The following FCHSD2 variants were observed in gnomAD, a reference collection of about 807,000 sequenced individuals.
FCHSD2 encodes the protein FCH and double SH3 domains 2, also known as F-BAR and double SH3 domains protein 2.
A neutral mutation model predicts 108.1 loss-of-function variants in FCHSD2; 38 were observed. The ratio of observed to expected loss-of-function variants is 0.35; its 90% CI spans 0.27 to 0.46. FCHSD2 has a LOEUF of 0.46. FCHSD2 is among the 20% of genes least tolerant of loss of function. The pLI, the probability that FCHSD2 is intolerant of heterozygous loss-of-function variation, is 1.00. For missense variants in FCHSD2, 751 were observed against 897.8 expected (o/e 0.84, Z 2.09); for synonymous variants, 279 against 314.7 (o/e 0.89, Z 1.20).
intron 13 of FCHSD2, among the ~76,000 whole-genome samples, chr11:72,865,763 ATCTCAGAGTCTTTT>A (rs1217163797): frequency 6.6e-6 from 1 of 152,138 alleles, no homozygotes; most frequent in Non-Finnish European, 1.5e-5. Flanking sequence ...GGGAGTGGGA[ATCTCAGAGTCTTTT>A]AATCTTTCTT....
At chr11:73,108,617 G>C (rs1234400662) in intron 2 of FCHSD2, among the ~76,000 whole-genome samples, 1 of 152,054 alleles carries the variant, frequency 6.6e-6, no homozygotes, top group Non-Finnish European at 1.5e-5. Context: ...GCCGGACTGC[G>C]GACTGCAGTG....
chr11:72,932,204 C>G (rs908788917), intron 8 of FCHSD2, among the ~76,000 whole-genome samples: 1 of 152,186 alleles, frequency 6.6e-6, no homozygotes, highest in South Asian at 2.1e-4. Flanking sequence ...CCCAACCCCT[C>G]CTCCTGATCT....
intron 5 of FCHSD2, among the ~76,000 whole-genome samples, chr11:72,992,724 G>A (rs1208841011): frequency 6.6e-6 from 1 of 152,138 alleles, no homozygotes; most frequent in African/African-American, 2.4e-5. Flanking sequence ...GCTGAAACTG[G>A]ATCCCTTCCT....
intron 12 of FCHSD2, among the ~76,000 whole-genome samples, chr11:72,882,110 A>G (rs1309728941): frequency 6.6e-6 from 1 of 151,368 alleles, no homozygotes; most frequent in Non-Finnish European, 1.5e-5. Context: ...GCGCCACTGC[A>G]CTCCAGCCTG....
At position 72,901,289 on chromosome 11, in the gene FCHSD2, C is replaced by T. The variant is rs1051775595; in HGVS notation, c.924+1254G>A. 5.5e-4 allele frequency among the ~76,000 whole-genome samples: 59 copies of T among 108,082 alleles called. 1 individual carries two copies. The highest frequency in any genetic ancestry group is 5.2e-4 in the Admixed American group (5 of 9,550). The allele number at this position is 108,082 out of a possible 152,430, so 70.9% of individuals were successfully genotyped here. Reference sequence around the variant, plus strand: ...GTGCGTGCCTGTGGCCCCAGCTAATCGGGAGGCTGATGTGGGAGGATCACT... The same window carrying T: ...GTGCGTGCCTGTGGCCCCAGCTAATTGGGAGGCTGATGTGGGAGGATCACT... On this transcript the variant is annotated intron_variant, in intron 10 of 19. Coordinates refer to ENST00000409418, the MANE Select transcript of FCHSD2 (RefSeq NM_014824.3).
At chr11:73,114,345 G>A (rs1860558312) in intron 2 of FCHSD2, among the ~76,000 whole-genome samples, 1 of 151,886 alleles carries the variant, frequency 6.6e-6, no homozygotes, top group Non-Finnish European at 1.5e-5. Flanking sequence ...CTCCCATCTG[G>A]CCCAGGGCAG....
At chr11:73,012,019 CCTCT>C (rs781019551) in intron 4 of FCHSD2, among the ~76,000 whole-genome samples, 5 of 152,082 alleles carry the variant, frequency 3.3e-5, no homozygotes, top group Non-Finnish European at 7.4e-5. Context: ...AGCATTTCTC[CCTCT>C]AAGAATTTAC....
chr11:73,068,880 T>C (rs1477502195), intron 3 of FCHSD2, among the ~76,000 whole-genome samples: 7 of 149,000 alleles, frequency 4.7e-5, no homozygotes, highest in African/African-American at 1.7e-4. Context: ...CCAGGTGTGG[T>C]GGCATGTGCC....
intron 5 of FCHSD2, among the ~76,000 whole-genome samples, chr11:72,996,351 T>G (rs1018371200): frequency 6.6e-6 from 1 of 152,186 alleles, no homozygotes; most frequent in Non-Finnish European, 1.5e-5. Context: ...TGGCAGCAGT[T>G]TGCAAACTCT....
At chr11:72,931,022 C>G (rs1343066422) in intron 8 of FCHSD2, among the ~76,000 whole-genome samples, 1 of 151,480 alleles carries the variant, frequency 6.6e-6, no homozygotes, top group Non-Finnish European at 1.5e-5. Flanking sequence ...CATTGCATGC[C>G]TGTATCAAAA....
At chr11:73,036,260 A>C (rs1002910902) in intron 3 of FCHSD2, among the ~76,000 whole-genome samples, 2 of 152,130 alleles carry the variant, frequency 1.3e-5, no homozygotes, top group Non-Finnish European at 2.9e-5. Context: ...TATTGGAGCC[A>C]ACATAATAAT....
chr11:72,968,766 G>A (rs1856958536), intron 8 of FCHSD2, among the ~76,000 whole-genome samples: 1 of 152,150 alleles, frequency 6.6e-6, no homozygotes, highest in Non-Finnish European at 1.5e-5. Context: ...AGGATGCTCT[G>A]ACCAGTCATC....
At chr11:73,132,391 T>C (rs557559673) in intron 2 of FCHSD2, among the ~76,000 whole-genome samples, 2 of 152,292 alleles carry the variant, frequency 1.3e-5, no homozygotes, top group South Asian at 2.1e-4. Flanking sequence ...ACATACAAAA[T>C]ACTGAAGCTC....
chr11:73,059,800 C>A (rs572978810), intron 3 of FCHSD2, among the ~76,000 whole-genome samples: 3 of 152,094 alleles, frequency 2.0e-5, no homozygotes, highest in African/African-American at 7.2e-5. Flanking sequence ...CATCCCAAGA[C>A]AATGAAAACC....
At chr11:72,882,686 TAAG>T (rs1241155014) in intron 12 of FCHSD2, among the ~76,000 whole-genome samples, 1 of 152,112 alleles carries the variant, frequency 6.6e-6, no homozygotes, top group Non-Finnish European at 1.5e-5. Flanking sequence ...AATAAAAAAT[TAAG>T]AAGCCAAAAA....
At chr11:72,893,703 G>A (rs1471077154) in intron 10 of FCHSD2, among the ~76,000 whole-genome samples, 3 of 151,460 alleles carry the variant, frequency 2.0e-5, no homozygotes, top group South Asian at 2.1e-4. Context: ...AGCCAAGATC[G>A]TGGCACTGCA....
chr11:73,131,296 T>C (rs2135571800), intron 2 of FCHSD2, among the ~76,000 whole-genome samples: 1 of 147,806 alleles, frequency 6.8e-6, no homozygotes, highest in Middle Eastern at 3.7e-3. Context: ...GGCAGGTGGA[T>C]CACAAGGTCA....
intron 12 of FCHSD2, among the ~76,000 whole-genome samples, chr11:72,881,749 GTCA>G (rs1463440252): frequency 6.6e-6 from 1 of 152,216 alleles, no homozygotes. Flanking sequence ...GGAACTGGAG[GTCA>G]TTATGTTAAG....
chr11:72,967,637 ATGGGGTATAGAGCTTTTT>A (rs553515748), intron 8 of FCHSD2, among the ~76,000 whole-genome samples: 53 of 152,272 alleles, frequency 3.5e-4, no homozygotes, highest in African/African-American at 1.3e-3. Context: ...ATGACAGCCA[ATGGGGTATAGAGCTTTTT>A]TGGGGGATAA....
Sources: gnomAD v4.1 joint callset for allele counts (sites outside exome capture counted in the v4.1 genomes callset) on GRCh38, gnomAD v4.1.1 for gene constraint, MANE v1.5 for transcripts, NCBI Gene and HGNC (gene_info 2026-07-23, HGNC 2026-07-21) for gene names.